The following PRICKLE2 variants were observed in gnomAD, a reference collection of about 807,000 sequenced individuals.
PRICKLE2 encodes the protein prickle planar cell polarity protein 2, also known as prickle-like protein 2.
In PRICKLE2, 21 loss-of-function variants were observed where a neutral mutation model predicts 81.4. The ratio of observed to expected loss-of-function variants is 0.26; its 90% CI spans 0.18 to 0.37. The LOEUF is 0.37. PRICKLE2 is among the 10% of genes least tolerant of loss of function. The pLI is 1.00. For missense variants in PRICKLE2, 940 were observed against 1,109.0 expected, an observed-to-expected ratio of 0.85 and a Z score of 2.16; for synonymous variants, 456 against 421.5, an observed-to-expected ratio of 1.08 and a Z score of -1.00.
intron 2 of PRICKLE2, among the ~76,000 whole-genome samples, chr3:64,246,752 C>T (rs992723897): frequency 6.6e-6 from 1 of 152,162 alleles, no homozygotes; most frequent in African/African-American, 2.4e-5. Flanking sequence ...GCATGAAAGG[C>T]TAAGATATGT....
Position 64,147,762 on chromosome 3 carries a change from G to T in PRICKLE2, c.788-60C>A. 1 of 1,579,222 alleles carries T rather than the reference G, an allele frequency of 6.3e-7. No individual in the cohort carries two copies. Among genetic ancestry groups the T allele is most frequent in the Admixed American group, 1.7e-5 (1 of 59,954 alleles). ...GCTGCTCAGAGCTCTGCACTGGGAC[G>T]TGAAACACATAGCACCTTGGTTTGT... On this transcript the variant is annotated intron_variant, in intron 6 of 7. Transcript: ENST00000638394. This position sits in a 1 kb window ranked among gnomAD's most constrained non-coding sequence, Gnocchi z 5.0.
chr3:64,212,316 T>C (rs1411032513), intron 1 of PRICKLE2, among the ~76,000 whole-genome samples: 1 of 152,238 alleles, frequency 6.6e-6, no homozygotes, highest in African/African-American at 2.4e-5. Flanking sequence ...TGTGATTTTA[T>C]GGCATGCACA....
At chr3:64,178,502 A>G (rs2078062607) in intron 2 of PRICKLE2, among the ~76,000 whole-genome samples, 1 of 152,234 alleles carries the variant, frequency 6.6e-6, no homozygotes, top group South Asian at 2.1e-4. Flanking sequence ...AGCAAGTCTC[A>G]TGGACATGCC....
chr3:64,153,466 A>C, intron 5 of PRICKLE2, 98 bp from the exon 6 acceptor site: 1 of 1,125,224 alleles, frequency 8.9e-7, no homozygotes, highest in Admixed American at 1.8e-5. Context: ...AAGGGTAAGA[A>C]AGCAGATCCT....
At chr3:64,196,126 A>T (rs956992195) in intron 2 of PRICKLE2, among the ~76,000 whole-genome samples, 1 of 152,264 alleles carries the variant, frequency 6.6e-6, no homozygotes, top group African/African-American at 2.4e-5. Context: ...TTTTGAAATC[A>T]TAAATTTAAT....
At chr3:64,237,831 C>T (rs1231939213) in intron 2 of PRICKLE2, among the ~76,000 whole-genome samples, 1 of 152,114 alleles carries the variant, frequency 6.6e-6, no homozygotes, top group African/African-American at 2.4e-5. Flanking sequence ...AATTTACCTT[C>T]CTAGAACTGC....
intron 4 of PRICKLE2, among the ~76,000 whole-genome samples, chr3:64,159,062 G>T (rs1305749898): frequency 6.6e-6 from 1 of 152,152 alleles, no homozygotes; most frequent in Non-Finnish European, 1.5e-5. Flanking sequence ...GTGGGGCAAG[G>T]TGTGTTCCCA....
At chr3:64,159,348 C>T (rs1024892215) in intron 4 of PRICKLE2, among the ~76,000 whole-genome samples, 5 of 152,230 alleles carry the variant, frequency 3.3e-5, no homozygotes, top group Admixed American at 1.3e-4. Context: ...GGGAGGCTGA[C>T]CCATGGCCCA....
intron 2 of PRICKLE2, among the ~76,000 whole-genome samples, chr3:64,198,295 C>A (rs977112551): frequency 1.5e-4 from 23 of 151,514 alleles, no homozygotes; most frequent in African/African-American, 5.3e-4. Flanking sequence ...AACTTTAAAA[C>A]GTTTTTGTTG....
At chr3:64,154,383 C>CAA (rs71281392) in intron 5 of PRICKLE2, 41,618 of 142,534 alleles carry the variant, frequency 0.29, 7,092 homozygotes, top group Admixed American at 0.43. Flanking sequence ...ATTAAAAATA[C>CAA]AAAAAAAAAA....
chr3:64,221,459 G>A (rs866452597), intron 1 of PRICKLE2, among the ~76,000 whole-genome samples: 138 of 120,806 alleles, frequency 1.1e-3, no homozygotes, highest in Middle Eastern at 4.1e-3. Context: ...ACACACACAC[G>A]CACACACACA....
At chr3:64,236,127 A>G (rs1162146171) in intron 2 of PRICKLE2, among the ~76,000 whole-genome samples, 1 of 152,126 alleles carries the variant, frequency 6.6e-6, no homozygotes. Context: ...TCGGCAAATG[A>G]TTGTTTTGTT....
intron 2 of PRICKLE2, among the ~76,000 whole-genome samples, chr3:64,239,278 T>C (rs1016762274): frequency 6.6e-6 from 1 of 152,014 alleles, no homozygotes; most frequent in Admixed American, 6.6e-5. Context: ...TCTGCTCAAC[T>C]CATCACAGCT....
At chr3:64,131,090 C>T (rs1175277852) in intron 7 of PRICKLE2, among the ~76,000 whole-genome samples, 1 of 152,240 alleles carries the variant, frequency 6.6e-6, no homozygotes, top group Non-Finnish European at 1.5e-5. Context: ...AGGCCTCAAA[C>T]CTGAGATGGC....
At chr3:64,227,030 A>G (rs17666399), upstream of PRICKLE2, among the ~76,000 whole-genome samples, 34,657 of 152,196 alleles carry the variant, frequency 0.23, 4,436 homozygotes, top group Non-Finnish European at 0.28. Context: ...TGAAGCTTCA[A>G]ATGAATTTCT....
chr3:64,239,811 T>A (rs1347819162), intron 2 of PRICKLE2, among the ~76,000 whole-genome samples: 1 of 151,998 alleles, frequency 6.6e-6, no homozygotes. Flanking sequence ...TATTTATTAC[T>A]GTTCTTAAAT....
At chr3:64,103,285 T>C (rs1044386038) in intron 7 of PRICKLE2, among the ~76,000 whole-genome samples, 6 of 152,190 alleles carry the variant, frequency 3.9e-5, no homozygotes, top group Non-Finnish European at 8.8e-5. Flanking sequence ...GAAGGATGGC[T>C]TCCTTGCCTC....
chr3:64,207,758 T>C (rs1011108389), intron 1 of PRICKLE2, among the ~76,000 whole-genome samples: 2 of 152,170 alleles, frequency 1.3e-5, no homozygotes, highest in Non-Finnish European at 2.9e-5. Context: ...CAGATTTCAC[T>C]AGCTATCAAC....
chr3:64,171,252 C>A (rs1320702543), intron 2 of PRICKLE2, among the ~76,000 whole-genome samples: 2 of 152,180 alleles, frequency 1.3e-5, no homozygotes, highest in Non-Finnish European at 2.9e-5. Flanking sequence ...ATCTTCCAAC[C>A]CAGTACTTCT....
Sources: allele counts gnomAD v4.1 joint callset (sites outside exome capture counted in the v4.1 genomes callset), GRCh38; gene constraint gnomAD v4.1.1; non-coding constraint Gnocchi (gnomAD v3.1); transcripts MANE v1.5; gene names NCBI Gene and HGNC (gene_info 2026-07-23, HGNC 2026-07-21).